The following BNC2 variants were observed in gnomAD, a reference collection of about 807,000 sequenced individuals.
BNC2 encodes the protein basonuclin zinc finger protein 2.
In BNC2, 20 loss-of-function variants were observed where a neutral mutation model predicts 76.3. The observed-to-expected ratio is 0.26, with a 90% confidence interval of 0.18 to 0.38. The LOEUF is 0.38. Ranked by LOEUF, BNC2 falls within the 10% of genes least tolerant of loss-of-function variation. BNC2 has a pLI of 1.00. For synonymous variants in BNC2, 582 were observed against 514.8 expected, an observed-to-expected ratio of 1.13 and a Z score of -1.77; for missense variants, 1,382 against 1,399.8, an observed-to-expected ratio of 0.99 and a Z score of 0.20.
At chr9:16,576,789 G>A (rs189434775) in intron 4 of BNC2, among the ~76,000 whole-genome samples, 2 of 152,320 alleles carry the variant, frequency 1.3e-5, no homozygotes, top group Admixed American at 1.3e-4. Context: ...CCATGCTGGA[G>A]TGCAATGGCA....
chr9:16,472,332 G>C (rs1379151523), intron 5 of BNC2, among the ~76,000 whole-genome samples: 1 of 152,178 alleles, frequency 6.6e-6, no homozygotes, highest in Admixed American at 6.5e-5. Context: ...GGGGTAAATA[G>C]AAAAGCTGGT....
intron 3 of BNC2, among the ~76,000 whole-genome samples, chr9:16,638,036 C>T (rs1001945893): frequency 1.3e-5 from 2 of 152,136 alleles, no homozygotes; most frequent in African/African-American, 2.4e-5. Context: ...TGGATGACTC[C>T]GAGCAGGATT....
chr9:16,431,498 T>A (rs1386505574), intron 6 of BNC2: 1 of 469,658 alleles, frequency 2.1e-6, no homozygotes, highest in Non-Finnish European at 4.4e-6. Flanking sequence ...CTAGGAAAGA[T>A]TTCATATGTA....
chr9:16,444,055 T>C (rs2130953841), intron 5 of BNC2, among the ~76,000 whole-genome samples: 1 of 152,350 alleles, frequency 6.6e-6, no homozygotes, highest in South Asian at 2.1e-4. Context: ...AGCTTTCCAC[T>C]GTTTATAAGC....
intron 3 of BNC2, among the ~76,000 whole-genome samples, chr9:16,692,239 T>C (rs1823195376): frequency 6.6e-6 from 1 of 152,248 alleles, no homozygotes; most frequent in Admixed American, 6.5e-5. Flanking sequence ...CATTGTCAAC[T>C]CTGACAACTG....
chr9:16,620,859 T>C (rs566734902), intron 3 of BNC2, among the ~76,000 whole-genome samples: 4 of 152,172 alleles, frequency 2.6e-5, no homozygotes, highest in East Asian at 1.9e-4. Context: ...ACTTTATGCA[T>C]CTGGTGATAT....
At chr9:16,797,363 C>A (rs1817683093) in intron 1 of BNC2, among the ~76,000 whole-genome samples, 1 of 152,166 alleles carries the variant, frequency 6.6e-6, no homozygotes, top group Non-Finnish European at 1.5e-5. Flanking sequence ...ATGAGCTCCT[C>A]TGTACTATAG....
chr9:16,544,475 A>C (rs1812250698), intron 5 of BNC2, among the ~76,000 whole-genome samples: 1 of 152,140 alleles, frequency 6.6e-6, no homozygotes, highest in South Asian at 2.1e-4. Context: ...AGAGTTGATA[A>C]AATAGGGAAA....
chr9:16,623,123 G>A (rs989975429), intron 3 of BNC2, among the ~76,000 whole-genome samples: 1 of 152,030 alleles, frequency 6.6e-6, no homozygotes, highest in Non-Finnish European at 1.5e-5. Context: ...ACACATCCTG[G>A]CTCACTGAAA....
intron 1 of BNC2, among the ~76,000 whole-genome samples, chr9:16,837,567 G>A (rs1433759536): frequency 6.6e-6 from 1 of 152,176 alleles, no homozygotes; most frequent in African/African-American, 2.4e-5. Flanking sequence ...AGACTGCCAA[G>A]TTCTTCCATC....
intron 3 of BNC2, among the ~76,000 whole-genome samples, chr9:16,606,416 C>T (rs1820386276): frequency 1.3e-5 from 2 of 152,238 alleles, no homozygotes; most frequent in Admixed American, 1.3e-4. Flanking sequence ...TCTTGTAGCT[C>T]CCATAATTCC....
chr9:16,780,600 G>C (rs1312981472), intron 1 of BNC2, among the ~76,000 whole-genome samples: 1 of 151,938 alleles, frequency 6.6e-6, no homozygotes, highest in East Asian at 1.9e-4. Flanking sequence ...TAGGTGAATT[G>C]TATATTATGG....
intron 1 of BNC2, among the ~76,000 whole-genome samples, chr9:16,835,935 T>C (rs1215835456): frequency 6.6e-6 from 1 of 152,178 alleles, no homozygotes; most frequent in Admixed American, 6.5e-5. Context: ...GCAGGGAGTC[T>C]TCAGTAAAAC....
chr9:16,855,300 T>C (rs775164369), intron 1 of BNC2, among the ~76,000 whole-genome samples: 3 of 152,218 alleles, frequency 2.0e-5, no homozygotes, highest in Non-Finnish European at 2.9e-5. Context: ...AGATAATGAA[T>C]ATCCCTTTAC....
At chr9:16,687,378 A>C (rs751555017) in intron 3 of BNC2, among the ~76,000 whole-genome samples, 43 of 152,250 alleles carry the variant, frequency 2.8e-4, no homozygotes, top group Middle Eastern at 3.4e-3. Context: ...AAAAAAGGGA[A>C]TTTATCCTCT....
At chr9:16,659,235 C>T (rs1822025830) in intron 3 of BNC2, among the ~76,000 whole-genome samples, 1 of 152,134 alleles carries the variant, frequency 6.6e-6, no homozygotes, top group African/African-American at 2.4e-5. Flanking sequence ...TATTGTACCG[C>T]CATGTAAAAG....
At chr9:16,579,494 G>A (rs112139754) in intron 4 of BNC2, among the ~76,000 whole-genome samples, 7,869 of 152,094 alleles carry the variant, frequency 0.052, 722 homozygotes, top group African/African-American at 0.18. Context: ...TGTTGCCCAG[G>A]TTGGTCTTGA....
rs189611503 is a variant in BNC2, at chr9:16,844,300, A to T, written c.3+26346T>A. 4.0e-3 allele frequency among the ~76,000 whole-genome samples: 616 copies of T among 152,162 alleles called. 3 individuals carry two copies. The highest frequency in any genetic ancestry group is 0.014 in the African/African-American group (581 of 41,520). On this transcript the variant is annotated intron_variant, in intron 1 of 6. Coordinates refer to ENST00000380672, the MANE Select transcript of BNC2 (RefSeq NM_017637.6). ...GGGGGCTTACGACTAAATACTATTA[A>T]TATACCAACTGCATAAAATATCCAT...
chr9:16,530,129 C>A (rs1024485149), intron 5 of BNC2, among the ~76,000 whole-genome samples: 1 of 151,758 alleles, frequency 6.6e-6, no homozygotes, highest in Non-Finnish European at 1.5e-5. Context: ...GCATGAGCCA[C>A]CGCACCTGGC....
Sources: allele counts gnomAD v4.1 joint callset (sites outside exome capture counted in the v4.1 genomes callset), GRCh38; gene constraint gnomAD v4.1.1; transcripts MANE v1.5; gene names NCBI Gene and HGNC (gene_info 2026-07-23, HGNC 2026-07-21).